Variants in BAIAP3 observed in about 807,000 individuals in gnomAD.
The protein encoded by BAIAP3 is BAI1-associated protein 3.
Under a neutral mutation model 149.7 loss-of-function variants are expected in BAIAP3, and 180 were observed. The ratio of observed to expected loss-of-function variants is 1.20; its 90% confidence interval spans 1.07 to 1.36. The LOEUF (loss-of-function observed/expected upper bound fraction) is 1.36, where lower values mean the gene tolerates loss of function less well. BAIAP3 is among the 40% of genes most tolerant of loss of function. BAIAP3 has a pLI of 0.00. For missense variants in BAIAP3, 1,767 were observed against 1,563.4 expected (o/e 1.13, Z -2.20); for synonymous variants, 845 against 670.7 (o/e 1.26, Z -4.02).
chr16:1,339,041 C>T (rs1308026370), intron 3 of BAIAP3, 52 bp downstream of exon 3: 6 of 1,607,450 alleles, frequency 3.7e-6, no homozygotes, highest in Non-Finnish European at 5.1e-6. Context: ...TGGGGCTCCC[C>T]CTTTGCTCCT....
rs771305539 is a variant in BAIAP3 at position 1,338,520 on chromosome 16, G to C, written c.-10-20G>C. The C allele has an allele frequency of 3.1e-6, 5 of 1,600,334 alleles. No homozygotes were observed. The highest frequency in any genetic ancestry group is 2.7e-5 in the African/African-American group (2 of 74,426). ...GTTGAGTGGACGACCTGAGGCTGCG[G>C]GCTGTGCTCTCTGCTGTAGGTCACC... On this transcript the variant is annotated intron_variant, in intron 1 of 33. Transcript: ENST00000426824.
rs558613158 is a variant in BAIAP3, at chr16:1,340,471, C to T, written c.409-451C>T. Among the ~76,000 whole-genome samples, 255 of 117,658 alleles carry T rather than the reference C, an allele frequency of 2.2e-3. 11 individuals carry two copies. Among genetic ancestry groups the T allele is most frequent in the African/African-American group, 6.5e-3 (225 of 34,512 alleles). The allele number at this position is 117,658 out of a possible 152,430, so 77.2% of individuals were successfully genotyped here. ...GGTTGCAGGTGCACACAGATGCACACGCACACAGGCTGCAGGTGTACACAG... is the reference window on the plus strand; with the variant it reads ...GGTTGCAGGTGCACACAGATGCACATGCACACAGGCTGCAGGTGTACACAG... On this transcript the variant is annotated intron_variant, in intron 5 of 33. Transcript: ENST00000426824.
rs2033630783 is a variant in BAIAP3, at chr16:1,338,527, CT to C, written c.-10-12del. On this transcript the variant is annotated splice_polypyrimidine_tract_variant and intron_variant, in intron 1 of 33. Coordinates refer to ENST00000426824, the MANE Select transcript of BAIAP3 (RefSeq NM_001199097.2). The stretch of plus-strand genomic sequence containing the variant: ...GGACGACCTGAGGCTGCGGGCTGTG[CT>C]CTCTGCTGTAGGTCACCCGCCATGT... 3 of 1,380,292 alleles carry C rather than the reference CT, an allele frequency of 2.2e-6. No individual in the cohort carries two copies. The highest frequency in any genetic ancestry group is 1.9e-6 in the Non-Finnish European group (2 of 1,035,610). The allele number at this position is 1,380,292 out of a possible 1,614,324, so 85.5% of individuals were successfully genotyped here. A position where few individuals can be genotyped will look rare whatever the true frequency, so the allele number is the denominator to read the frequency against.
Position 1,346,307 on chromosome 16 carries a change from G to A in BAIAP3, c.2439G>A (p.Leu813=). ...CTCTGCTCAGCTGCACACAGGCCCTGGACGATGATCTGCAACGGGAGGCCC... is the reference window on the plus strand; with the variant it reads ...CTCTGCTCAGCTGCACACAGGCCCTAGACGATGATCTGCAACGGGAGGCCC... The part of the protein sequence containing the change: ...PRPLLSCTQA[L]DDDLQREAHT... Residue 813 remains leucine (L), a synonymous_variant, in exon 25 of 34, where the codon CTG becomes CTA. Transcript: ENST00000426824. 3.7e-6 allele frequency: 6 copies of A among 1,604,834 alleles called. No homozygotes were observed. The highest frequency in any genetic ancestry group is 5.1e-6 in the Non-Finnish European group (6 of 1,173,834).
intron 20 of BAIAP3, 28 bp downstream of exon 20, chr16:1,344,877 C>G (rs1376028810): frequency 6.2e-7 from 1 of 1,613,696 alleles, no homozygotes; most frequent in Non-Finnish European, 8.5e-7. Context: ...CCCCGGGTGC[C>G]TGCCAGGCAT....
Position 1,343,411 on chromosome 16 carries a change from C to A in BAIAP3, c.1284C>A (p.Ser428Arg). Residue 428 changes from serine (S) to arginine (R), a missense_variant, in exon 15 of 34, where the codon AGC becomes AGA. Coordinates refer to ENST00000426824, the MANE Select transcript of BAIAP3 (RefSeq NM_001199097.2). ...CCCACAGGCACTGGCAGGTCAGCAGCCGCCACCATCAAACCTGCACGCTGG... is the reference window on the plus strand; with the variant it reads ...CCCACAGGCACTGGCAGGTCAGCAGACGCCACCATCAAACCTGCACGCTGG... ...QLAVLHWQVS[S>R]RHHQTCTLDY... 6.4e-7 allele frequency: 1 copy of A among 1,568,360 alleles called. No individual in the cohort carries two copies.
intron 29 of BAIAP3, 43 bp from the exon 30 acceptor site, chr16:1,347,502 C>T (rs1324147869): frequency 6.7e-7 from 1 of 1,502,084 alleles, no homozygotes; most frequent in Non-Finnish European, 8.9e-7. Context: ...CAGCGCTGAC[C>T]ACCAGCACCC....
intron 1 of BAIAP3, chr16:1,334,651 G>T (rs2033343049): frequency 3.2e-6 from 5 of 1,547,616 alleles, no homozygotes; most frequent in Non-Finnish European, 8.7e-7. Context: ...GATTCCCGGG[G>T]TTCGACTGGA....
intron 14 of BAIAP3, 138 bp downstream of exon 14, chr16:1,343,154 G>A (rs1165845205): frequency 1.3e-5 from 14 of 1,117,586 alleles, no homozygotes; most frequent in Non-Finnish European, 1.7e-5. Context: ...AGGTGGGGCT[G>A]CGCTGATTGG....
Position 1,344,964 on chromosome 16 carries a change from G to C in BAIAP3, c.1810-5G>C. On this transcript the variant is annotated splice_polypyrimidine_tract_variant and splice_region_variant and intron_variant, in intron 20 of 33. Transcript: ENST00000426824. ...CTGGAGGCCTGATCCTGCTGTCCCG[G>C]ACAGGTGGCTGAGGAGGCGTGGGTG... 6.2e-7 allele frequency: 1 copy of C among 1,613,356 alleles called. No homozygotes were observed. Among genetic ancestry groups the C allele is most frequent in the Non-Finnish European group, 8.5e-7 (1 of 1,180,006 alleles).
intron 22 of BAIAP3, 40 bp downstream of exon 22, chr16:1,345,412 A>G: frequency 1.3e-6 from 2 of 1,560,506 alleles, no homozygotes; most frequent in East Asian, 4.7e-5. Flanking sequence ...GGGCTGGTCC[A>G]GGCCCCCAGC....
In BAIAP3 at chr16:1,349,114, G is replaced by T. The variant is rs1380573317; in HGVS notation, c.*632G>T. 5 of 398,754 alleles carry T rather than the reference G, an allele frequency of 1.3e-5. No homozygotes were observed. 24.7% of individuals were successfully genotyped at this position (398,754 alleles called of 1,614,324 possible). A position where few individuals can be genotyped will look rare whatever the true frequency, so the allele number is the denominator to read the frequency against. ...AGTGTGAAGGGCTCCGTGCCAACTG[G>T]TCAGCTGTCCTTCACGCACATATCC... On this transcript the variant is annotated 3_prime_UTR_variant, in exon 34 of 34. Transcript: ENST00000426824.
rs1366107827 is a variant in BAIAP3 at position 1,349,279 on chromosome 16, G to C, written c.*797G>C. The C allele has an allele frequency of 1.2e-6, 1 of 814,362 alleles. No homozygotes were observed. Among genetic ancestry groups the C allele is most frequent in the East Asian group, 2.4e-5 (1 of 40,840 alleles). The allele number at this position is 814,362 out of a possible 1,614,324, so 50.4% of individuals were successfully genotyped here. A position where few individuals can be genotyped will look rare whatever the true frequency, so the allele number is the denominator to read the frequency against. On this transcript the variant is annotated 3_prime_UTR_variant, in exon 34 of 34. Transcript: ENST00000426824. ...CTTCATTTGCGAGAGCGCCGAGGCA[G>C]GACACAGAGCACAGCTGTGCTGGAA...
At chr16:1,338,449 T>TA (rs2141567574) in intron 1 of BAIAP3, 91 bp from the exon 2 acceptor site, 1 of 285,970 alleles carries the variant, frequency 3.5e-6, no homozygotes, top group Non-Finnish European at 7.1e-6. Flanking sequence ...CCCCACCTCT[T>TA]CCCGCCCCAC....
intron 4 of BAIAP3, 33 bp downstream of exon 4, chr16:1,339,277 T>C (rs2033689557): frequency 1.3e-6 from 2 of 1,548,000 alleles, no homozygotes; most frequent in Admixed American, 2.0e-5. Context: ...GGGGCAGTCG[T>C]CTGCAGCGGC....
At chr16:1,336,466 GCTCT>G in intron 1 of BAIAP3, 1 of 910,784 alleles carries the variant, frequency 1.1e-6, no homozygotes, top group Non-Finnish European at 1.3e-6. Flanking sequence ...CCTGTCCTCA[GCTCT>G]AGGGTCTGGT....
At chr16:1,345,408 G>C (rs767691142) in intron 22 of BAIAP3, 36 bp downstream of exon 22, 4 of 1,566,014 alleles carry the variant, frequency 2.6e-6, no homozygotes, top group Non-Finnish European at 3.5e-6. Context: ...ACTGGGGCTG[G>C]TCCAGGCCCC....
rs1393915233 is a variant in BAIAP3, at chr16:1,344,816, C to G, written c.1776C>G (p.Val592=). The change falls in exon 20 of 34, where the codon GTC becomes GTG. Residue 592 remains valine, a synonymous_variant. Coordinates refer to ENST00000426824, the MANE Select transcript of BAIAP3 (RefSeq NM_001199097.2). ...TCTGCAGCATCCTCAATGTGGACGT[C>G]TTCACCCTGACCTTCCGGCAGCTGG... The part of the protein sequence containing the change: ...SLFHSILNVD[V]FTLTFRQLER... 1 of 1,613,826 alleles carries G rather than the reference C, an allele frequency of 6.2e-7. No individual in the cohort carries two copies. Among genetic ancestry groups the G allele is most frequent in the East Asian group, 2.2e-5 (1 of 44,880 alleles).
intron 15 of BAIAP3, among the ~76,000 whole-genome samples, 196 bp downstream of exon 15, chr16:1,343,709 G>T (rs1229819420): frequency 3.3e-5 from 5 of 152,196 alleles, no homozygotes; most frequent in Non-Finnish European, 7.4e-5. Flanking sequence ...ACCTCGGGGG[G>T]CGGCCAGGAC....
Sources: gnomAD v4.1 joint callset for allele counts (sites outside exome capture counted in the v4.1 genomes callset) on GRCh38, gnomAD v4.1.1 for gene constraint, MANE v1.5 for transcripts, NCBI Gene and HGNC (gene_info 2026-07-23, HGNC 2026-07-21) for gene names.